DYNC1I1: variants seen among roughly 807,000 people sequenced by gnomAD.
DYNC1I1 encodes the protein dynein cytoplasmic 1 intermediate chain 1.
A neutral mutation model predicts 86.6 loss-of-function variants in DYNC1I1; 43 were observed. That is an observed-to-expected ratio of 0.50 (90% CI 0.39 to 0.64). The LOEUF (loss-of-function observed/expected upper bound fraction) is 0.64. Ranked by LOEUF, DYNC1I1 falls within the 30% of genes least tolerant of loss-of-function variation. DYNC1I1 has a pLI of 0.00. For synonymous variants in DYNC1I1, 262 were observed against 283.7 expected (o/e 0.92, Z 0.77); for missense variants, 604 against 788.8 (o/e 0.77, Z 2.81).
At chr7:96,055,251 G>T (rs1321674195) in intron 14 of DYNC1I1, among the ~76,000 whole-genome samples, 2 of 151,972 alleles carry the variant, frequency 1.3e-5, no homozygotes, top group Non-Finnish European at 2.9e-5. Context: ...ACACACTGGG[G>T]TCTGTCGGGG....
intron 5 of DYNC1I1, among the ~76,000 whole-genome samples, chr7:95,867,983 T>A (rs565545457): frequency 6.6e-6 from 1 of 152,362 alleles, no homozygotes; most frequent in Non-Finnish European, 1.5e-5. Flanking sequence ...ACCTTGAATG[T>A]CTTACTTTGA....
chr7:96,023,171 G>A (rs2115926301), intron 10 of DYNC1I1, among the ~76,000 whole-genome samples: 1 of 152,114 alleles, frequency 6.6e-6, no homozygotes, highest in East Asian at 1.9e-4. Flanking sequence ...CTCTGACAGT[G>A]AAGCATTTGT....
intron 14 of DYNC1I1, among the ~76,000 whole-genome samples, chr7:96,052,605 G>A (rs1789437557): frequency 6.6e-6 from 1 of 152,188 alleles, no homozygotes. Flanking sequence ...TATTAAAGAT[G>A]TAGCAATAGT....
At chr7:96,061,712 T>TCA (rs147547424) in intron 14 of DYNC1I1, among the ~76,000 whole-genome samples, 5,091 of 136,770 alleles carry the variant, frequency 0.037, 100 homozygotes, top group African/African-American at 0.046. Context: ...TCTCTCTCTC[T>TCA]CACACACACA....
At chr7:95,894,420 A>G (rs1386298138) in intron 6 of DYNC1I1, among the ~76,000 whole-genome samples, 2 of 144,074 alleles carry the variant, frequency 1.4e-5, no homozygotes, top group African/African-American at 5.2e-5. Flanking sequence ...TACATCTAAT[A>G]CCCTTACCTT....
At chr7:95,929,326 C>G (rs1030619281) in intron 6 of DYNC1I1, among the ~76,000 whole-genome samples, 9 of 152,126 alleles carry the variant, frequency 5.9e-5, no homozygotes, top group Non-Finnish European at 1.2e-4. Context: ...CTGGAACTCC[C>G]TTTACCTAAC....
At chr7:96,091,609 T>C (rs1203944667) in intron 16 of DYNC1I1, among the ~76,000 whole-genome samples, 2 of 152,200 alleles carry the variant, frequency 1.3e-5, no homozygotes, top group Non-Finnish European at 2.9e-5. Context: ...ATATTTTTAC[T>C]ATGAAAAATA....
At chr7:96,100,236 T>C (rs780989357), downstream of DYNC1I1, among the ~76,000 whole-genome samples, 1 of 152,162 alleles carries the variant, frequency 6.6e-6, no homozygotes, top group Non-Finnish European at 1.5e-5. Flanking sequence ...TAACTTTGGC[T>C]CCAGGACTTT....
intron 7 of DYNC1I1, among the ~76,000 whole-genome samples, chr7:95,981,512 T>G (rs563137911): frequency 6.6e-6 from 1 of 152,266 alleles, no homozygotes; most frequent in East Asian, 1.9e-4. Context: ...AAAATTTCTT[T>G]CATACATGTT....
At chr7:96,054,220 A>T (rs1789501622) in intron 14 of DYNC1I1, among the ~76,000 whole-genome samples, 1 of 151,976 alleles carries the variant, frequency 6.6e-6, no homozygotes, top group East Asian at 1.9e-4. Context: ...TCCACTTATG[A>T]GTGAGAACAT....
chr7:96,033,195 C>A (rs952272435), intron 12 of DYNC1I1, among the ~76,000 whole-genome samples: 1 of 152,146 alleles, frequency 6.6e-6, no homozygotes. Context: ...CAAGCCCTTG[C>A]TTGTATCCGT....
intron 6 of DYNC1I1, among the ~76,000 whole-genome samples, chr7:95,882,661 T>G (rs2116231169): frequency 6.6e-6 from 1 of 152,294 alleles, no homozygotes; most frequent in Non-Finnish European, 1.5e-5. Context: ...CTGGGACCAT[T>G]TTCTCTTACT....
At chr7:95,954,730 G>A (rs56129216) in intron 6 of DYNC1I1, among the ~76,000 whole-genome samples, 4,129 of 151,766 alleles carry the variant, frequency 0.027, 153 homozygotes, top group African/African-American at 0.081. Flanking sequence ...TGGCTAACAC[G>A]GTGAAACCCC....
At chr7:96,032,570 C>A in intron 11 of DYNC1I1, 97 bp from the exon 12 acceptor site, 1 of 909,448 alleles carries the variant, frequency 1.1e-6, no homozygotes, top group Admixed American at 2.2e-5. Flanking sequence ...GATTATGTTA[C>A]TCTTTAATCC....
chr7:96,094,280 A>G (rs1438564601), intron 16 of DYNC1I1, among the ~76,000 whole-genome samples: 1 of 152,220 alleles, frequency 6.6e-6, no homozygotes, highest in Non-Finnish European at 1.5e-5. Flanking sequence ...AAGGTAGGAC[A>G]TGAGAGCAGT....
At chr7:95,932,879 A>ATTT (rs11392614) in intron 6 of DYNC1I1, among the ~76,000 whole-genome samples, 18 of 137,730 alleles carry the variant, frequency 1.3e-4, no homozygotes, top group South Asian at 2.3e-4. Context: ...TTATTTTTTA[A>ATTT]TTTTTTTTTT....
chr7:95,854,298 GTGTATCTAC>G (rs1239366009), intron 5 of DYNC1I1, among the ~76,000 whole-genome samples: 1 of 151,688 alleles, frequency 6.6e-6, no homozygotes, highest in Non-Finnish European at 1.5e-5. Context: ...TTTATTTTTT[GTGTATCTAC>G]TATAGGTTTT....
intron 6 of DYNC1I1, among the ~76,000 whole-genome samples, chr7:95,949,712 G>T (rs2116474995): frequency 6.6e-6 from 1 of 152,308 alleles, no homozygotes; most frequent in Non-Finnish European, 1.5e-5. Flanking sequence ...TTTTGTTTTT[G>T]TTCTGTACTA....
At chr7:95,931,524 G>A (rs1324001600) in intron 6 of DYNC1I1, among the ~76,000 whole-genome samples, 1 of 152,048 alleles carries the variant, frequency 6.6e-6, no homozygotes, top group Non-Finnish European at 1.5e-5. Flanking sequence ...ATTTTCATCA[G>A]TTCTAGTTTG....
Sources: allele counts gnomAD v4.1 joint callset (sites outside exome capture counted in the v4.1 genomes callset), GRCh38; gene constraint gnomAD v4.1.1; transcripts MANE v1.5; gene names NCBI Gene and HGNC (gene_info 2026-07-23, HGNC 2026-07-21).